The following EVI5 variants were observed in gnomAD, a reference collection of about 807,000 sequenced individuals.
The protein encoded by EVI5 is ecotropic viral integration site 5.
EVI5 carries 73 observed loss-of-function variants against 112.0 expected under a neutral mutation model. The observed-to-expected ratio is 0.65, with a 90% confidence interval of 0.54 to 0.79. EVI5 has a LOEUF of 0.79. Among genes scored for constraint, EVI5 ranks in the 30% least tolerant of loss-of-function variants. The pLI is 0.00. For missense variants in EVI5, 900 were observed against 968.8 expected, an observed-to-expected ratio of 0.93 and a Z score of 0.94; for synonymous variants, 305 against 319.9, an observed-to-expected ratio of 0.95 and a Z score of 0.50.
In EVI5 at chr1:92,624,223, C is replaced by A. The variant is rs767649928; in HGVS notation, c.1780G>T (p.Ala594Ser). ...CTTTGTTTTATTTCTCTTATTTCTG[C>A]TTGTGTTTCAGCTTCTCTAAGTCGA... ...TIRLREAETQ[A>S]EIREIKQRMM... Residue 594 changes from alanine to serine, a missense_variant, in exon 16 of 20, where the codon GCA becomes TCA. By Grantham distance (99) the Ala-to-Ser change is moderately conservative. Coordinates refer to ENST00000684568, the MANE Select transcript of EVI5 (RefSeq NM_001350197.2). 3 of 1,613,718 alleles carry A rather than the reference C, an allele frequency of 1.9e-6. No individual in the cohort carries two copies. The South Asian group carries it at 3.3e-5, about 18-fold the overall frequency.
At chr1:92,709,975 G>A (rs1672591252) in intron 2 of EVI5, among the ~76,000 whole-genome samples, 3 of 149,654 alleles carry the variant, frequency 2.0e-5, no homozygotes, top group East Asian at 4.0e-4. Context: ...TGGTAATACA[G>A]CATTACTCAT....
intron 1 of EVI5, among the ~76,000 whole-genome samples, chr1:92,780,339 C>T (rs1393939108): frequency 1.3e-5 from 2 of 152,206 alleles, no homozygotes; most frequent in Non-Finnish European, 2.9e-5. Context: ...CAGACTAATA[C>T]ACCTGTGAGA....
At chr1:92,576,035 A>G (rs1282379338) in intron 18 of EVI5, among the ~76,000 whole-genome samples, 2 of 152,172 alleles carry the variant, frequency 1.3e-5, no homozygotes, top group Non-Finnish European at 2.9e-5. Context: ...AGCAGAGTAA[A>G]CTAATACAAT....
chr1:92,611,012 G>A (rs1437361710), intron 16 of EVI5, among the ~76,000 whole-genome samples: 3 of 151,736 alleles, frequency 2.0e-5, no homozygotes, highest in Admixed American at 6.6e-5. Flanking sequence ...ACGAGTTAGT[G>A]GGTGCAGCGC....
At chr1:92,544,480 C>A (rs1212044323) in intron 19 of EVI5, among the ~76,000 whole-genome samples, 6 of 151,964 alleles carry the variant, frequency 3.9e-5, no homozygotes, top group Admixed American at 3.9e-4. Flanking sequence ...AAAATATTCA[C>A]CAACAACATA....
chr1:92,539,289 T>C (rs1432623525), intron 19 of EVI5, among the ~76,000 whole-genome samples: 1 of 152,088 alleles, frequency 6.6e-6, no homozygotes, highest in South Asian at 2.1e-4. Flanking sequence ...ACGCCTATAA[T>C]CCCAACACTT....
intron 19 of EVI5, among the ~76,000 whole-genome samples, chr1:92,529,176 G>C (rs578012987): frequency 2.6e-5 from 4 of 152,006 alleles, no homozygotes; most frequent in Non-Finnish European, 5.9e-5. Context: ...TCTTCATATA[G>C]ACCCATAAGA....
chr1:92,641,071 G>A (rs1022632988), intron 13 of EVI5, among the ~76,000 whole-genome samples: 11 of 152,092 alleles, frequency 7.2e-5, no homozygotes, highest in Admixed American at 4.6e-4. Flanking sequence ...GCCTGTTGGG[G>A]GTTGAGGGAG....
Position 92,734,449 on chromosome 1 carries a change from A to T in EVI5, c.149+1949T>A, listed in dbSNP as rs575825844. Among the ~76,000 whole-genome samples the T allele has an allele frequency of 1.4e-4, 20 of 148,132 alleles. 1 individual carries two copies. The highest frequency in any genetic ancestry group is 5.0e-4 in the African/African-American group (20 of 39,986). On this transcript the variant is annotated intron_variant, in intron 2 of 19. Coordinates refer to ENST00000684568, the MANE Select transcript of EVI5 (RefSeq NM_001350197.2). ...ATTGACACCCAGAAAATACTACTATAAGCAGAACAGAAACTATTTCTTTTT... is the reference window on the plus strand; with the variant it reads ...ATTGACACCCAGAAAATACTACTATTAGCAGAACAGAAACTATTTCTTTTT...
chr1:92,789,966 G>A (rs1269207857), upstream of EVI5, among the ~76,000 whole-genome samples: 1 of 152,106 alleles, frequency 6.6e-6, no homozygotes, highest in Non-Finnish European at 1.5e-5. Context: ...GGTTTGCACT[G>A]TCCAATACAG....
At chr1:92,591,222 C>G (rs1392394492) in intron 18 of EVI5, among the ~76,000 whole-genome samples, 1 of 152,162 alleles carries the variant, frequency 6.6e-6, no homozygotes, top group African/African-American at 2.4e-5. Context: ...GCAAAATAAC[C>G]AGCTAACATC....
Position 92,779,588 on chromosome 1 carries a change from C to T in EVI5, c.-82+5248G>A, listed in dbSNP as rs114219010. On this transcript the variant is annotated intron_variant, in intron 1 of 19. Transcript: ENST00000684568. ...CAGAGAGATAAGAACAGATATGGCA[C>T]CCATGAAACAAGAAGAGATGGAGAA... Among the ~76,000 whole-genome samples, 1,162 of 151,784 alleles carry T rather than the reference C, an allele frequency of 7.7e-3. 9 individuals carry two copies. Among genetic ancestry groups the T allele is most frequent in the Admixed American group, 0.013 (205 of 15,226 alleles).
At chr1:92,624,120 C>T in intron 16 of EVI5, 56 bp downstream of exon 16, 1 of 1,449,858 alleles carries the variant, frequency 6.9e-7, no homozygotes, top group Non-Finnish European at 9.7e-7. Context: ...AATCTGTGCA[C>T]AAACCCTTGA....
chr1:92,564,282 C>T (rs534314860), intron 18 of EVI5, among the ~76,000 whole-genome samples: 176 of 152,134 alleles, frequency 1.2e-3, no homozygotes, highest in Non-Finnish European at 2.2e-3. Context: ...GAAAAAATTA[C>T]CCTAGAATTT....
intron 18 of EVI5, among the ~76,000 whole-genome samples, chr1:92,571,706 T>C (rs1342294050): frequency 6.6e-6 from 1 of 152,224 alleles, no homozygotes; most frequent in Non-Finnish European, 1.5e-5. Context: ...AATTTTTTCC[T>C]AAGTATTTTT....
chr1:92,760,839 G>A lies in EVI5; in HGVS notation c.-82+23997C>T, dbSNP rs1044332288. ...TGGGAGGCCGAGGCGGGCAGATCAC[G>A]AAGTCAGGAGATCGAGACCATCCTG... On this transcript the variant is annotated intron_variant, in intron 1 of 19. Transcript: ENST00000684568. Among the ~76,000 whole-genome samples the A allele has an allele frequency of 4.0e-5, 6 of 151,704 alleles. No homozygotes were observed. In the South Asian group the frequency reaches 6.2e-4, roughly 16 times the overall value.
chr1:92,686,983 A>C (rs958953382), intron 9 of EVI5, among the ~76,000 whole-genome samples: 9 of 152,156 alleles, frequency 5.9e-5, no homozygotes, highest in East Asian at 1.9e-4. Context: ...TTTATAGATT[A>C]AATGCCATCC....
chr1:92,635,525 G>A lies in EVI5; in HGVS notation c.1527+677C>T, dbSNP rs770659936. ...GGTGTGCTGTTTGCTCAGACCATCG[G>A]AAAAGCGCAGTATTAGGGTGCGAGT... On this transcript the variant is annotated intron_variant, in intron 14 of 19. Transcript: ENST00000684568. Among the ~76,000 whole-genome samples, 7 of 152,158 alleles carry A rather than the reference G, an allele frequency of 4.6e-5. No homozygotes were observed. The South Asian group carries it at 8.3e-4, about 18-fold the overall frequency.
chr1:92,647,708 G>C (rs1359587388), intron 13 of EVI5: 1 of 245,646 alleles, frequency 4.1e-6, no homozygotes, highest in Non-Finnish European at 8.3e-6. Context: ...GGCAGGAAGG[G>C]TGCTTGGAGG....
Sources: gnomAD v4.1 joint callset for allele counts (sites outside exome capture counted in the v4.1 genomes callset) on GRCh38, gnomAD v4.1.1 for gene constraint, MANE v1.5 for transcripts, NCBI Gene and HGNC (gene_info 2026-07-23, HGNC 2026-07-21) for gene names.